The following CNTNAP2 variants were observed in gnomAD, a reference collection of about 807,000 sequenced individuals.
CNTNAP2 encodes the protein contactin-associated protein-like 2.
CNTNAP2 carries 98 observed loss-of-function variants against 155.2 expected under a neutral mutation model. That is an observed-to-expected ratio of 0.63 (90% confidence interval 0.54 to 0.75). CNTNAP2 has a LOEUF of 0.75. Among genes scored for constraint, CNTNAP2 ranks in the 30% least tolerant of loss-of-function variants. The pLI, the probability that CNTNAP2 is intolerant of heterozygous loss-of-function variation, is 0.00. For synonymous variants in CNTNAP2, 651 were observed against 631.2 expected (o/e 1.03, Z -0.47); for missense variants, 1,727 against 1,688.1 (o/e 1.02, Z -0.40).
intron 1 of CNTNAP2, among the ~76,000 whole-genome samples, chr7:146,578,183 A>G (rs1402141772): frequency 2.6e-5 from 4 of 152,124 alleles, no homozygotes; most frequent in Admixed American, 2.0e-4. Flanking sequence ...TATATTTTCC[A>G]AGTACCAGAA....
chr7:148,294,244 TTGTC>T (rs1434936689), intron 21 of CNTNAP2, among the ~76,000 whole-genome samples: 1 of 152,092 alleles, frequency 6.6e-6, no homozygotes, highest in African/African-American at 2.4e-5. Flanking sequence ...AGGCATCAAA[TTGTC>T]TGTAAGTCAC....
intron 9 of CNTNAP2, among the ~76,000 whole-genome samples, chr7:147,376,891 T>C (rs1796443940): frequency 6.6e-6 from 1 of 152,006 alleles, no homozygotes; most frequent in African/African-American, 2.4e-5. Context: ...CTAAGATTGG[T>C]ATATGATTGT....
rs547964937 is a variant in CNTNAP2 at position 147,735,608 on chromosome 7, T to G, written c.2098+96302T>G. Among the ~76,000 whole-genome samples the G allele has an allele frequency of 3.3e-5, 5 of 152,336 alleles. No homozygotes were observed. In the East Asian group the frequency reaches 7.7e-4, roughly 23 times the overall value. On this transcript the variant is annotated intron_variant, in intron 13 of 23. Coordinates refer to ENST00000361727, the MANE Select transcript of CNTNAP2 (RefSeq NM_014141.6). Reference sequence around the variant, plus strand: ...CTTTCTGTCTTGTTGATCTGTCTAATGTTGACAGTGGCGTGTTGAAGTCTC... The same window carrying G: ...CTTTCTGTCTTGTTGATCTGTCTAAGGTTGACAGTGGCGTGTTGAAGTCTC...
At chr7:148,347,454 G>A (rs1435792770) in intron 21 of CNTNAP2, among the ~76,000 whole-genome samples, 1 of 152,024 alleles carries the variant, frequency 6.6e-6, no homozygotes, top group Non-Finnish European at 1.5e-5. Flanking sequence ...GTAAACACAC[G>A]GTATTCCTAC....
intron 12 of CNTNAP2, among the ~76,000 whole-genome samples, chr7:147,624,282 C>T (rs1184260454): frequency 6.6e-6 from 1 of 151,744 alleles, no homozygotes; most frequent in Admixed American, 6.6e-5. Flanking sequence ...AAAAAAAAAA[C>T]TTCTGCACAG....
chr7:148,412,303 G>A (rs988144850), intron 23 of CNTNAP2, among the ~76,000 whole-genome samples: 5 of 152,216 alleles, frequency 3.3e-5, no homozygotes, highest in African/African-American at 4.8e-5. Context: ...GGCCAGGCGC[G>A]GTGGCGCACG....
At chr7:146,723,869 T>G (rs2129178072) in intron 1 of CNTNAP2, among the ~76,000 whole-genome samples, 1 of 152,312 alleles carries the variant, frequency 6.6e-6, no homozygotes, top group Non-Finnish European at 1.5e-5. Flanking sequence ...TTCCCAATGC[T>G]CAGGTCTTAT....
intron 1 of CNTNAP2, among the ~76,000 whole-genome samples, chr7:146,756,487 C>G (rs1310180936): frequency 1.3e-5 from 2 of 151,956 alleles, no homozygotes. Context: ...TGGTAGGTAT[C>G]TTTTCATATC....
intron 9 of CNTNAP2, among the ~76,000 whole-genome samples, chr7:147,385,728 C>CT: frequency 6.6e-6 from 1 of 152,300 alleles, no homozygotes; most frequent in Non-Finnish European, 1.5e-5. Context: ...AGTCTGTGGC[C>CT]TTTCCAGGCA....
intron 12 of CNTNAP2, among the ~76,000 whole-genome samples, chr7:147,634,541 C>T (rs759805605): frequency 2.0e-5 from 3 of 151,916 alleles, no homozygotes; most frequent in Non-Finnish European, 4.4e-5. Flanking sequence ...TCAGAAATCA[C>T]CACTAAAGAA....
At chr7:147,950,872 C>A (rs1186072537) in intron 14 of CNTNAP2, among the ~76,000 whole-genome samples, 2 of 152,170 alleles carry the variant, frequency 1.3e-5, no homozygotes, top group African/African-American at 2.4e-5. Flanking sequence ...CAAGAGAAAT[C>A]CGTACCAAAA....
At chr7:146,777,620 G>A (rs1342700046) in intron 2 of CNTNAP2, among the ~76,000 whole-genome samples, 1 of 151,506 alleles carries the variant, frequency 6.6e-6, no homozygotes, top group Non-Finnish European at 1.5e-5. Context: ...CTGGAGTGCA[G>A]TGGCATGATC....
At position 147,434,542 on chromosome 7, in the gene CNTNAP2, T is replaced by C. The variant is rs557415132; in HGVS notation, c.1670+38762T>C. On this transcript the variant is annotated intron_variant, in intron 10 of 23. Coordinates refer to ENST00000361727, the MANE Select transcript of CNTNAP2 (RefSeq NM_014141.6). ...ATCAAGAATAATATTTAAAGGCTCA[T>C]AATATCTTCCGTCTACATGTATTAA... Among the ~76,000 whole-genome samples, 4 of 152,352 alleles carry C rather than the reference T, an allele frequency of 2.6e-5. No individual in the cohort carries two copies. In the South Asian group the frequency reaches 8.3e-4, roughly 32 times the overall value.
intron 21 of CNTNAP2, among the ~76,000 whole-genome samples, chr7:148,324,077 G>A (rs1346450327): frequency 6.6e-6 from 1 of 151,960 alleles, no homozygotes; most frequent in Admixed American, 6.6e-5. Flanking sequence ...TAAAGACGGG[G>A]TTTTGCCATG....
intron 1 of CNTNAP2, among the ~76,000 whole-genome samples, chr7:146,309,348 G>A (rs191311865): frequency 3.3e-5 from 5 of 152,166 alleles, no homozygotes; most frequent in Admixed American, 6.5e-5. Flanking sequence ...GTATGAGTAC[G>A]CTGAAAATGA....
intron 13 of CNTNAP2, among the ~76,000 whole-genome samples, chr7:147,856,240 C>T (rs917129948): frequency 1.3e-5 from 2 of 152,122 alleles, no homozygotes; most frequent in African/African-American, 2.4e-5. Context: ...TTTCTAGTCT[C>T]GAGCATAAAA....
In CNTNAP2 at chr7:147,397,890, G is replaced by C. The variant is rs189995393; in HGVS notation, c.1670+2110G>C. Among the ~76,000 whole-genome samples the C allele has an allele frequency of 2.0e-5, 3 of 151,818 alleles. No individual in the cohort carries two copies. The East Asian group carries it at 5.8e-4, about 30-fold the overall frequency. ...TTTAGGATGACAAATGAAAAGATTA[G>C]CTGCAGGGAAGTAGCCACCTGTGAC... On this transcript the variant is annotated intron_variant, in intron 10 of 23. Coordinates refer to ENST00000361727, the MANE Select transcript of CNTNAP2 (RefSeq NM_014141.6).
At chr7:146,581,709 CA>C (rs145793530) in intron 1 of CNTNAP2, among the ~76,000 whole-genome samples, 2,161 of 151,498 alleles carry the variant, frequency 0.014, 49 homozygotes, top group African/African-American at 0.047. Context: ...TACTTAGAGA[CA>C]TTTTTCATAT....
chr7:146,794,880 G>A (rs1252771388), intron 2 of CNTNAP2, among the ~76,000 whole-genome samples: 1 of 152,136 alleles, frequency 6.6e-6, no homozygotes, highest in Non-Finnish European at 1.5e-5. Context: ...CTATTTTAAA[G>A]AATTTAGTAT....
Sources: gnomAD v4.1 joint callset for allele counts (sites outside exome capture counted in the v4.1 genomes callset) on GRCh38, gnomAD v4.1.1 for gene constraint, MANE v1.5 for transcripts, NCBI Gene and HGNC (gene_info 2026-07-23, HGNC 2026-07-21) for gene names.